Variants in LRCH1 observed in about 807,000 individuals in gnomAD.
The protein encoded by LRCH1 is leucine rich repeats and calponin homology domain containing 1.
In LRCH1, 23 loss-of-function variants were observed where a neutral mutation model predicts 94.9. The observed-to-expected ratio is 0.24, with a 90% CI of 0.17 to 0.34. The LOEUF is 0.34. Ranked by LOEUF, LRCH1 falls within the 10% of genes least tolerant of loss-of-function variation. The pLI is 1.00. For missense variants in LRCH1, 790 were observed against 945.9 expected, an observed-to-expected ratio of 0.84 and a Z score of 2.16; for synonymous variants, 364 against 354.9, an observed-to-expected ratio of 1.03 and a Z score of -0.29.
chr13:46,580,814 A>T (rs2137939425), intron 1 of LRCH1, among the ~76,000 whole-genome samples: 1 of 152,366 alleles, frequency 6.6e-6, no homozygotes, highest in South Asian at 2.1e-4. Context: ...ACAAAGAGGA[A>T]CAGAGCCCAA....
chr13:46,695,023 A>G lies in LRCH1; in HGVS notation c.1245+6A>G, dbSNP rs762980441. 25 of 1,611,884 alleles carry G rather than the reference A, an allele frequency of 1.6e-5. No individual in the cohort carries two copies. Among genetic ancestry groups the G allele is most frequent in the South Asian group, 8.8e-5 (8 of 90,842 alleles). The stretch of plus-strand genomic sequence containing the variant: ...CGGAATTTATGAACTATAAGGCAAG[A>G]TTTTCAGGATCAACTACGTTTTTTT... On this transcript the variant is annotated splice_donor_region_variant and intron_variant, in intron 9 of 19. Coordinates refer to ENST00000389797, the MANE Select transcript of LRCH1 (RefSeq NM_001164211.2).
intron 13 of LRCH1, among the ~76,000 whole-genome samples, chr13:46,706,439 C>T (rs1040494284): frequency 6.6e-6 from 1 of 152,168 alleles, no homozygotes; most frequent in African/African-American, 2.4e-5. Context: ...GTGGAGGCCT[C>T]ATTGAATTAC....
At chr13:46,697,874 AT>A (rs1184014553) in intron 9 of LRCH1, among the ~76,000 whole-genome samples, 2 of 97,770 alleles carry the variant, frequency 2.0e-5, no homozygotes, top group Non-Finnish European at 4.8e-5. Context: ...GTTTTGCCTA[AT>A]GAAAAAAAGA....
At chr13:46,664,889 G>A (rs536332230) in intron 2 of LRCH1, among the ~76,000 whole-genome samples, 3 of 152,192 alleles carry the variant, frequency 2.0e-5, no homozygotes, top group East Asian at 1.9e-4. Context: ...TTGAACCCAG[G>A]TCTTAAAATT....
chr13:46,571,472 G>C (rs1320377336), intron 1 of LRCH1, among the ~76,000 whole-genome samples: 1 of 152,176 alleles, frequency 6.6e-6, no homozygotes, highest in Admixed American at 6.5e-5. Context: ...CTGGAGAAAC[G>C]CTAGCTTTGC....
chr13:46,673,527 G>T (rs1315472149), intron 3 of LRCH1, among the ~76,000 whole-genome samples: 3 of 152,044 alleles, frequency 2.0e-5, no homozygotes, highest in Admixed American at 6.6e-5. Flanking sequence ...TGGAGGGCCA[G>T]AAGTAATTCT....
chr13:46,681,625 T>A, intron 3 of LRCH1, 116 bp from the exon 4 acceptor site: 2 of 734,464 alleles, frequency 2.7e-6, no homozygotes, highest in Non-Finnish European at 4.9e-6. Flanking sequence ...GAGATGAATA[T>A]AAAAGTGTAC....
intron 1 of LRCH1, among the ~76,000 whole-genome samples, chr13:46,559,632 A>G (rs2050107913): frequency 6.6e-6 from 1 of 152,222 alleles, no homozygotes; most frequent in African/African-American, 2.4e-5. Flanking sequence ...AAAGGCAAGG[A>G]CATACTAATC....
At chr13:46,720,825 G>A (rs1007954213) in intron 16 of LRCH1, among the ~76,000 whole-genome samples, 2 of 152,016 alleles carry the variant, frequency 1.3e-5, no homozygotes, top group African/African-American at 4.8e-5. Context: ...TTTTGTACTT[G>A]GTAGATTTAT....
chr13:46,683,300 GA>G (rs1324371787), intron 4 of LRCH1, among the ~76,000 whole-genome samples: 3 of 152,204 alleles, frequency 2.0e-5, no homozygotes, highest in Non-Finnish European at 2.9e-5. Context: ...TTATAGATGG[GA>G]GGTTCAAGTC....
chr13:46,744,282 C>G lies in LRCH1; in HGVS notation c.*2434C>G. On this transcript the variant is annotated 3_prime_UTR_variant, in exon 20 of 20. Transcript: ENST00000389797. ...TATTGTGCTGACCAAATCTCCTCCT[C>G]ACAAGAAAGACCGTTTTTTCAGTAC... The G allele has an allele frequency of 2.0e-6, 2 of 979,920 alleles. No individual in the cohort carries two copies. Among genetic ancestry groups the G allele is most frequent in the Non-Finnish European group, 2.4e-6 (2 of 829,888 alleles). 60.7% of individuals were successfully genotyped at this position (979,920 alleles called of 1,614,324 possible).
In LRCH1 at chr13:46,684,567, C is replaced by T. The variant is rs112518079; in HGVS notation, c.686-1338C>T. ...CTAAGCTAACTTTAATTAACCATCTCGGAGATAGGTTGATATTGCTAGGGG... is the reference window on the plus strand; with the variant it reads ...CTAAGCTAACTTTAATTAACCATCTTGGAGATAGGTTGATATTGCTAGGGG... On this transcript the variant is annotated intron_variant, in intron 4 of 19. Transcript: ENST00000389797. Among the ~76,000 whole-genome samples, 115 of 152,242 alleles carry T rather than the reference C, an allele frequency of 7.6e-4. 1 individual carries two copies. Among genetic ancestry groups the T allele is most frequent in the African/African-American group, 2.6e-3 (106 of 41,534 alleles).
chr13:46,744,916 CTTCT>C, downstream of LRCH1: 1 of 983,066 alleles, frequency 1.0e-6, no homozygotes, highest in Non-Finnish European at 1.2e-6. Context: ...CCCTTTTTTT[CTTCT>C]TTAAGATGGT....
intron 1 of LRCH1, among the ~76,000 whole-genome samples, chr13:46,624,766 A>G (rs1037733123): frequency 6.6e-6 from 1 of 152,198 alleles, no homozygotes; most frequent in Non-Finnish European, 1.5e-5. Context: ...AACGATATTA[A>G]CACCTTGAGA....
At chr13:46,656,730 A>G (rs866376) in intron 2 of LRCH1, among the ~76,000 whole-genome samples, 13,503 of 152,226 alleles carry the variant, frequency 0.089, 666 homozygotes, top group East Asian at 0.21. Context: ...CTGGGCATCT[A>G]TTTTCAAGGT....
chr13:46,750,626 C>T lies in LRCH1; in HGVS notation c.2067C>T (p.Thr689=), dbSNP rs182850122. The change falls in exon 19 of 19, where the codon ACC becomes ACT. Residue 689 remains threonine (T), a synonymous_variant. Transcript: ENST00000311191. ...CCATTCAAGCATTACTAGACATCAC[C>T]GTAACGAAGGCTCTGTTCACATGAA... is the stretch of plus-strand genomic sequence containing the variant. 344 of 1,551,488 alleles carry T rather than the reference C, an allele frequency of 2.2e-4. 1 individual carries two copies. In the East Asian group the frequency reaches 2.5e-3, roughly 11 times the overall value.
intron 1 of LRCH1, among the ~76,000 whole-genome samples, chr13:46,649,342 G>A (rs2051262712): frequency 6.6e-6 from 1 of 152,070 alleles, no homozygotes; most frequent in African/African-American, 2.4e-5. Context: ...TTTCCTTATA[G>A]TCTATGTTTT....
intron 1 of LRCH1, among the ~76,000 whole-genome samples, chr13:46,633,428 G>T (rs1031162062): frequency 2.0e-5 from 3 of 152,204 alleles, no homozygotes; most frequent in African/African-American, 7.2e-5. Flanking sequence ...CAGGGTATCA[G>T]CAGAATGCCA....
chr13:46,747,199 G>A (rs925927766), downstream of LRCH1, among the ~76,000 whole-genome samples: 1 of 152,106 alleles, frequency 6.6e-6, no homozygotes, highest in Non-Finnish European at 1.5e-5. Flanking sequence ...CACCTGGCTT[G>A]GAATGTGGAG....
Sources: allele counts gnomAD v4.1 joint callset (sites outside exome capture counted in the v4.1 genomes callset), GRCh38; gene constraint gnomAD v4.1.1; transcripts MANE v1.5; gene names NCBI Gene and HGNC (gene_info 2026-07-23, HGNC 2026-07-21).